Variants in KCNIP4 observed in about 807,000 individuals in gnomAD.
The protein encoded by KCNIP4 is Kv channel-interacting protein 4.
Under a neutral mutation model 34.0 loss-of-function variants are expected in KCNIP4, and 12 were observed. The observed-to-expected ratio is 0.35, with a 90% confidence interval of 0.23 to 0.57. The LOEUF is 0.57. Among genes scored for constraint, KCNIP4 ranks in the 20% least tolerant of loss-of-function variants. The pLI, the probability that KCNIP4 is intolerant of heterozygous loss-of-function variation, is 0.83. For synonymous variants in KCNIP4, 124 were observed against 102.2 expected (o/e 1.21, Z -1.29); for missense variants, 238 against 311.7 (o/e 0.76, Z 1.78).
intron 1 of KCNIP4, among the ~76,000 whole-genome samples, chr4:21,716,520 G>T (rs1355541725): frequency 1.3e-5 from 2 of 152,082 alleles, no homozygotes; most frequent in African/African-American, 4.8e-5. Context: ...ACAGGTGGGA[G>T]CCACTGCCAC....
At chr4:21,325,619 A>C (rs898512607) in intron 1 of KCNIP4, among the ~76,000 whole-genome samples, 1 of 150,792 alleles carries the variant, frequency 6.6e-6, no homozygotes, top group African/African-American at 2.4e-5. Context: ...TCTGATCTTT[A>C]TTACTTCTTC....
chr4:21,871,250 C>A lies in KCNIP4; in HGVS notation c.61+77321G>T, dbSNP rs1335695211. On this transcript the variant is annotated intron_variant, in intron 1 of 8. Coordinates refer to ENST00000382152, the MANE Select transcript of KCNIP4 (RefSeq NM_025221.6). ...CTAATGCTATCCCTCCCCCCTCCCC[C>A]CTCCCCGCTCCCCACCTCCCCCCAC... is the stretch of plus-strand genomic sequence containing the variant. Among the ~76,000 whole-genome samples, 5 of 119,072 alleles carry A rather than the reference C, an allele frequency of 4.2e-5. No homozygotes were observed. The Admixed American group carries it at 4.3e-4, about 10-fold the overall frequency. The allele number at this position is 119,072 out of a possible 152,430, so 78.1% of individuals were successfully genotyped here. A position where few individuals can be genotyped will look rare whatever the true frequency, so the allele number is the denominator to read the frequency against.
intron 1 of KCNIP4, among the ~76,000 whole-genome samples, chr4:21,383,647 T>A (rs1041162924): frequency 5.9e-5 from 9 of 152,160 alleles, no homozygotes; most frequent in South Asian, 2.1e-4. Flanking sequence ...GCTGATTTTT[T>A]AAATAGATTT....
At chr4:20,947,522 G>A (rs1272469565) in intron 1 of KCNIP4, among the ~76,000 whole-genome samples, 1 of 152,164 alleles carries the variant, frequency 6.6e-6, no homozygotes, top group Non-Finnish European at 1.5e-5. Context: ...CTAGAGGTAA[G>A]CTCCTTGAGG....
At chr4:21,273,023 C>T (rs1230979752) in intron 1 of KCNIP4, among the ~76,000 whole-genome samples, 1 of 152,104 alleles carries the variant, frequency 6.6e-6, no homozygotes, top group East Asian at 1.9e-4. Flanking sequence ...TTTATTGTGT[C>T]ACTGCCAAGG....
chr4:21,876,846 G>A (rs780102371), intron 1 of KCNIP4, among the ~76,000 whole-genome samples: 11 of 151,976 alleles, frequency 7.2e-5, no homozygotes, highest in African/African-American at 1.7e-4. Flanking sequence ...TTTTGTCAAC[G>A]GGAGACTTGA....
At chr4:21,816,579 G>C (rs538323433) in intron 1 of KCNIP4, among the ~76,000 whole-genome samples, 2 of 152,182 alleles carry the variant, frequency 1.3e-5, no homozygotes, top group East Asian at 1.9e-4. Context: ...CTTTCTCCCA[G>C]TACACAGCAC....
chr4:21,123,278 T>C (rs1434923053), intron 1 of KCNIP4, among the ~76,000 whole-genome samples: 6 of 152,198 alleles, frequency 3.9e-5, no homozygotes, highest in Non-Finnish European at 8.8e-5. Context: ...CATTTATATT[T>C]ATTGAATGCC....
chr4:20,887,485 C>T (rs1184630906), intron 1 of KCNIP4, among the ~76,000 whole-genome samples: 1 of 151,586 alleles, frequency 6.6e-6, no homozygotes, highest in Admixed American at 6.6e-5. Context: ...TGAAAAAAGG[C>T]TTTAAAATGA....
At chr4:21,175,019 G>A (rs549628976) in intron 1 of KCNIP4, among the ~76,000 whole-genome samples, 3 of 151,762 alleles carry the variant, frequency 2.0e-5, no homozygotes, top group African/African-American at 7.3e-5. Flanking sequence ...CTGCATTGAT[G>A]AGTCCTTAAG....
intron 1 of KCNIP4, among the ~76,000 whole-genome samples, chr4:21,261,721 T>G (rs1761484841): frequency 1.3e-5 from 2 of 152,310 alleles, no homozygotes; most frequent in Non-Finnish European, 2.9e-5. Context: ...TCCTATTGGC[T>G]CTACGTCTAC....
At chr4:20,776,570 T>C (rs193018494) in intron 3 of KCNIP4, among the ~76,000 whole-genome samples, 1 of 152,354 alleles carries the variant, frequency 6.6e-6, no homozygotes, top group East Asian at 1.9e-4. Context: ...ATTAGAATGC[T>C]ATATTTTATT....
intron 2 of KCNIP4, among the ~76,000 whole-genome samples, chr4:20,872,344 C>T (rs1723565985): frequency 6.6e-6 from 1 of 152,054 alleles, no homozygotes; most frequent in African/African-American, 2.4e-5. Context: ...TTTAATGAAA[C>T]CTTACAAATA....
intron 1 of KCNIP4, among the ~76,000 whole-genome samples, chr4:21,929,542 A>G (rs986039764): frequency 1.3e-5 from 2 of 152,172 alleles, no homozygotes; most frequent in African/African-American, 4.8e-5. Flanking sequence ...ATCGTTCTCC[A>G]CTACTCAACC....
At chr4:20,915,116 C>T (rs1432701906) in intron 1 of KCNIP4, among the ~76,000 whole-genome samples, 1 of 152,194 alleles carries the variant, frequency 6.6e-6, no homozygotes, top group Admixed American at 6.5e-5. Context: ...TTATAATCTT[C>T]TAGCATGACA....
At chr4:20,922,914 C>G (rs1327426499) in intron 1 of KCNIP4, among the ~76,000 whole-genome samples, 1 of 152,034 alleles carries the variant, frequency 6.6e-6, no homozygotes, top group African/African-American at 2.4e-5. Context: ...TCTCTAAAAA[C>G]CTTATAAAAA....
chr4:21,390,964 T>G (rs1722507285), intron 1 of KCNIP4, among the ~76,000 whole-genome samples: 1 of 152,308 alleles, frequency 6.6e-6, no homozygotes, highest in African/African-American at 2.4e-5. Flanking sequence ...TCCATATACT[T>G]GCCAACATTT....
intron 3 of KCNIP4, among the ~76,000 whole-genome samples, chr4:20,764,723 C>T (rs115288317): frequency 0.049 from 7,342 of 149,526 alleles, 206 homozygotes; most frequent in South Asian, 0.056. Context: ...CATGAACAAA[C>T]AGCAATAATT....
intron 1 of KCNIP4, among the ~76,000 whole-genome samples, chr4:21,455,754 G>A (rs6844427): frequency 6.1e-3 from 734 of 120,808 alleles, no homozygotes; most frequent in African/African-American, 0.024. Context: ...CATCCTCTCT[G>A]TTCCTCTCCC....
Sources: gnomAD v4.1 joint callset for allele counts (sites outside exome capture counted in the v4.1 genomes callset) on GRCh38, gnomAD v4.1.1 for gene constraint, MANE v1.5 for transcripts, NCBI Gene and HGNC (gene_info 2026-07-23, HGNC 2026-07-21) for gene names.